The following LRRTM4 variants were observed in gnomAD, a reference collection of about 807,000 sequenced individuals.
LRRTM4 encodes leucine-rich repeat transmembrane neuronal protein 4.
LRRTM4 carries 25 observed loss-of-function variants against 47.6 expected under a neutral mutation model. That is an observed-to-expected ratio of 0.53 (90% CI 0.38 to 0.73). The LOEUF (loss-of-function observed/expected upper bound fraction) is 0.73. Among genes scored for constraint, LRRTM4 ranks in the 30% least tolerant of loss-of-function variants. The pLI, the probability that LRRTM4 is intolerant of heterozygous loss-of-function variation, is 0.00. For missense variants in LRRTM4, 638 were observed against 713.4 expected (o/e 0.89, Z 1.20); for synonymous variants, 311 against 269.5 (o/e 1.15, Z -1.51).
chr2:77,183,838 A>T (rs2103862621), intron 3 of LRRTM4, among the ~76,000 whole-genome samples: 1 of 152,266 alleles, frequency 6.6e-6, no homozygotes, highest in African/African-American at 2.4e-5. Flanking sequence ...AAGGACAAAA[A>T]ACCAAACACC....
chr2:77,005,275 G>A (rs530898443), intron 3 of LRRTM4, among the ~76,000 whole-genome samples: 1 of 152,274 alleles, frequency 6.6e-6, no homozygotes, highest in East Asian at 1.9e-4. Context: ...CTCCTGAGTA[G>A]CTGGGATTAT....
intron 3 of LRRTM4, among the ~76,000 whole-genome samples, chr2:76,861,079 C>G (rs1033068104): frequency 2.8e-4 from 43 of 152,104 alleles, no homozygotes; most frequent in African/African-American, 9.4e-4. Flanking sequence ...ATCTTACTTA[C>G]TATTTACTGG....
chr2:77,122,348 CTT>C (rs985498426), intron 3 of LRRTM4, among the ~76,000 whole-genome samples: 4 of 151,170 alleles, frequency 2.6e-5, no homozygotes, highest in African/African-American at 7.3e-5. Context: ...ACATTTTTGT[CTT>C]TTGTTATTCT....
At chr2:77,365,944 T>C (rs1253614389) in intron 3 of LRRTM4, among the ~76,000 whole-genome samples, 1 of 148,750 alleles carries the variant, frequency 6.7e-6, no homozygotes, top group East Asian at 1.9e-4. Context: ...TTTTCCTACA[T>C]TATATATATA....
At chr2:77,350,184 G>C (rs1174577805) in intron 3 of LRRTM4, among the ~76,000 whole-genome samples, 6 of 150,036 alleles carry the variant, frequency 4.0e-5, no homozygotes, top group Non-Finnish European at 5.9e-5. Context: ...AAATTAGCCG[G>C]GCGCGGTGGC....
intron 3 of LRRTM4, among the ~76,000 whole-genome samples, chr2:77,430,225 T>C (rs1458029572): frequency 6.6e-6 from 1 of 152,224 alleles, no homozygotes; most frequent in Non-Finnish European, 1.5e-5. Context: ...TTCCACAATG[T>C]ATACATACTT....
In LRRTM4 at chr2:77,461,577, A is replaced by T. The variant is rs535024199; in HGVS notation, c.1551+56741T>A. 2.0e-5 allele frequency among the ~76,000 whole-genome samples: 3 copies of T among 152,230 alleles called. No homozygotes were observed. In the South Asian group the frequency reaches 6.2e-4, roughly 32 times the overall value. ...TGTAAAGTAATCATAGGAATATCAT[A>T]TTTTCAATAACGACTATTTTTGAGA... On this transcript the variant is annotated intron_variant, in intron 3 of 3. Coordinates refer to ENST00000409884, the MANE Select transcript of LRRTM4 (RefSeq NM_001134745.3).
chr2:77,161,972 C>T (rs1011010801), intron 3 of LRRTM4, among the ~76,000 whole-genome samples: 8 of 152,124 alleles, frequency 5.3e-5, no homozygotes, highest in African/African-American at 1.9e-4. Context: ...ACACAGAAGA[C>T]GAGTGATTTC....
chr2:77,492,118 G>A (rs1384495148), intron 3 of LRRTM4, among the ~76,000 whole-genome samples: 1 of 151,872 alleles, frequency 6.6e-6, no homozygotes, highest in Non-Finnish European at 1.5e-5. Flanking sequence ...AAAAGAAAGT[G>A]ACCCACATTT....
At chr2:77,209,582 A>C (rs1231288977) in intron 3 of LRRTM4, among the ~76,000 whole-genome samples, 1 of 152,220 alleles carries the variant, frequency 6.6e-6, no homozygotes, top group Non-Finnish European at 1.5e-5. Context: ...AATTCAAATA[A>C]AAATTCATTT....
intron 3 of LRRTM4, among the ~76,000 whole-genome samples, chr2:77,363,739 A>G (rs1157077013): frequency 1.3e-5 from 2 of 152,208 alleles, no homozygotes; most frequent in African/African-American, 2.4e-5. Flanking sequence ...TAAATAATTG[A>G]TTCCCTATGT....
At chr2:77,335,061 A>T (rs148798094) in intron 3 of LRRTM4, among the ~76,000 whole-genome samples, 1 of 152,130 alleles carries the variant, frequency 6.6e-6, no homozygotes, top group African/African-American at 2.4e-5. Context: ...AATGCCTCTA[A>T]GTTGTTATAG....
intron 3 of LRRTM4, among the ~76,000 whole-genome samples, chr2:76,945,539 A>T (rs762873797): frequency 2.0e-5 from 3 of 152,044 alleles, no homozygotes; most frequent in Admixed American, 6.6e-5. Flanking sequence ...TTCCACAGAA[A>T]AAGAAGCAGC....
At chr2:77,079,458 G>A (rs1350404693) in intron 3 of LRRTM4, among the ~76,000 whole-genome samples, 1 of 152,120 alleles carries the variant, frequency 6.6e-6, no homozygotes, top group Non-Finnish European at 1.5e-5. Flanking sequence ...CAAGCTTGTG[G>A]CCAAGGACAC....
intron 3 of LRRTM4, among the ~76,000 whole-genome samples, chr2:77,224,047 A>G (rs1674727235): frequency 6.6e-6 from 1 of 151,482 alleles, no homozygotes; most frequent in Non-Finnish European, 1.5e-5. Context: ...GCCCTCAGAA[A>G]TGATGCCGCA....
chr2:76,797,946 G>A (rs1418328917), intron 3 of LRRTM4, among the ~76,000 whole-genome samples: 1 of 150,330 alleles, frequency 6.7e-6, no homozygotes, highest in Non-Finnish European at 1.5e-5. Context: ...CCCAATACAG[G>A]AGCATCCAGA....
intron 3 of LRRTM4, among the ~76,000 whole-genome samples, chr2:77,344,720 C>T (rs1671498388): frequency 6.6e-6 from 1 of 151,502 alleles, no homozygotes; most frequent in African/African-American, 2.4e-5. Flanking sequence ...AGGATAAAAG[C>T]AAATAAGTCT....
At chr2:77,001,668 T>C (rs17334261) in intron 3 of LRRTM4, among the ~76,000 whole-genome samples, 21,320 of 152,066 alleles carry the variant, frequency 0.14, 1,606 homozygotes, top group Admixed American at 0.2. Context: ...CGATATCCAA[T>C]ACAGGCCATG....
chr2:77,158,056 A>G (rs1247690070), intron 3 of LRRTM4, among the ~76,000 whole-genome samples: 1 of 152,192 alleles, frequency 6.6e-6, no homozygotes, highest in African/African-American at 2.4e-5. Flanking sequence ...TGGTGAAAAA[A>G]CAATAAAGAA....
Sources: allele counts gnomAD v4.1 joint callset (sites outside exome capture counted in the v4.1 genomes callset), GRCh38; gene constraint gnomAD v4.1.1; transcripts MANE v1.5; gene names NCBI Gene and HGNC (gene_info 2026-07-23, HGNC 2026-07-21).